ODAD2: variants seen among roughly 807,000 people sequenced by gnomAD.
ODAD2 encodes the protein outer dynein arm docking complex subunit 2.
A neutral mutation model predicts 106.8 loss-of-function variants in ODAD2; 89 were observed. The observed-to-expected ratio is 0.83, with a 90% CI of 0.70 to 0.99. The LOEUF (loss-of-function observed/expected upper bound fraction) is 0.99, where lower values mean the gene tolerates loss of function less well. Ranked by LOEUF, ODAD2 falls within the 50% of genes least tolerant of loss-of-function variation. The pLI is 0.00. For synonymous variants in ODAD2, 404 were observed against 436.2 expected, an observed-to-expected ratio of 0.93 and a Z score of 0.92; for missense variants, 1,168 against 1,238.5, an observed-to-expected ratio of 0.94 and a Z score of 0.85.
intron 19 of ODAD2, among the ~76,000 whole-genome samples, chr10:27,821,551 G>A (rs569539379): frequency 2.6e-5 from 4 of 152,234 alleles, no homozygotes; most frequent in African/African-American, 4.8e-5. Flanking sequence ...GCAAATACTC[G>A]CACAACAGAA....
intron 19 of ODAD2, among the ~76,000 whole-genome samples, chr10:27,858,171 T>C (rs1316509495): frequency 6.6e-6 from 1 of 152,144 alleles, no homozygotes; most frequent in Non-Finnish European, 1.5e-5. Flanking sequence ...CAAGCAAATA[T>C]CAAATTATGA....
intron 19 of ODAD2, among the ~76,000 whole-genome samples, chr10:27,846,700 G>C (rs1838788489): frequency 6.7e-6 from 1 of 148,194 alleles, no homozygotes; most frequent in Non-Finnish European, 1.5e-5. Context: ...GAAGAAAAGA[G>C]AGAAGAATCA....
intron 17 of ODAD2, among the ~76,000 whole-genome samples, chr10:27,864,894 T>C (rs1194510445): frequency 1.3e-5 from 2 of 152,092 alleles, no homozygotes; most frequent in African/African-American, 4.8e-5. Flanking sequence ...TCATGCAAAA[T>C]GGGTATTATT....
chr10:27,879,160 A>T (rs937770931), intron 17 of ODAD2, among the ~76,000 whole-genome samples: 2 of 152,134 alleles, frequency 1.3e-5, no homozygotes, highest in African/African-American at 4.8e-5. Flanking sequence ...TATCACAGAT[A>T]AGTGTGATTT....
At chr10:27,871,482 G>A (rs976095770) in intron 17 of ODAD2, among the ~76,000 whole-genome samples, 3 of 152,130 alleles carry the variant, frequency 2.0e-5, no homozygotes, top group Admixed American at 2.0e-4. Context: ...GGCTTGTATG[G>A]TTTTAGGTCT....
At chr10:27,870,590 T>C (rs969126556) in intron 17 of ODAD2, among the ~76,000 whole-genome samples, 1 of 151,214 alleles carries the variant, frequency 6.6e-6, no homozygotes, top group Non-Finnish European at 1.5e-5. Flanking sequence ...CACCTATGAG[T>C]GAGAATATGC....
At chr10:27,940,150 G>A (rs1846289654) in intron 13 of ODAD2, 143 bp from the exon 14 acceptor site, 1 of 584,318 alleles carries the variant, frequency 1.7e-6, no homozygotes, top group Admixed American at 3.5e-5. Context: ...ATCAATAAGA[G>A]AATCAACTGA....
intron 16 of ODAD2, among the ~76,000 whole-genome samples, chr10:27,930,141 T>A (rs966595223): frequency 2.0e-5 from 3 of 152,150 alleles, no homozygotes; most frequent in Non-Finnish European, 2.9e-5. Flanking sequence ...TATATTTCTT[T>A]TACTCCTATC....
intron 17 of ODAD2, among the ~76,000 whole-genome samples, chr10:27,890,346 T>A (rs74840990): frequency 0.027 from 4,177 of 152,212 alleles, 67 homozygotes; most frequent in Non-Finnish European, 0.043. Context: ...TTGGCTGAGG[T>A]GAATATAATG....
At chr10:27,889,153 G>C (rs1213398481) in intron 17 of ODAD2, among the ~76,000 whole-genome samples, 2 of 152,188 alleles carry the variant, frequency 1.3e-5, no homozygotes. Context: ...AAAGGAGATA[G>C]AAAAACATTA....
intron 2 of ODAD2, among the ~76,000 whole-genome samples, chr10:27,989,777 G>A (rs1262415300): frequency 1.3e-5 from 2 of 152,172 alleles, no homozygotes; most frequent in Non-Finnish European, 2.9e-5. Context: ...GAGCCCGGGA[G>A]GCGGGAGGAT....
chr10:27,963,622 G>A, intron 9 of ODAD2, among the ~76,000 whole-genome samples: 1 of 146,896 alleles, frequency 6.8e-6, no homozygotes, highest in East Asian at 2.0e-4. Flanking sequence ...TTGTTGCTAA[G>A]GCCTTATATG....
chr10:27,999,464 G>A (rs1043743204), upstream of ODAD2, among the ~76,000 whole-genome samples: 2 of 152,128 alleles, frequency 1.3e-5, no homozygotes, highest in Admixed American at 1.3e-4. Context: ...AACAAATATG[G>A]TAGAATACTC....
chr10:27,957,439 T>C (rs972265479), intron 10 of ODAD2: 1 of 152,178 alleles, frequency 6.6e-6, no homozygotes, highest in African/African-American at 2.4e-5. Flanking sequence ...AAATTTAATG[T>C]GGTCTCTCTA....
intron 2 of ODAD2, among the ~76,000 whole-genome samples, chr10:27,991,840 T>C (rs1564584704): frequency 2.0e-5 from 3 of 152,180 alleles, no homozygotes; most frequent in Admixed American, 6.5e-5. Flanking sequence ...GAGTCCTGTC[T>C]GGAAGGAAAG....
At chr10:27,932,399 T>C (rs1364062838) in intron 16 of ODAD2, among the ~76,000 whole-genome samples, 1 of 152,208 alleles carries the variant, frequency 6.6e-6, no homozygotes, top group Non-Finnish European at 1.5e-5. Context: ...CCATCAAATA[T>C]TAAAAATTTC....
chr10:27,852,598 T>C (rs923868298), intron 19 of ODAD2, among the ~76,000 whole-genome samples: 4 of 151,544 alleles, frequency 2.6e-5, no homozygotes, highest in Non-Finnish European at 5.9e-5. Flanking sequence ...CAAGAGGAGA[T>C]AGAAAAAGAT....
chr10:27,977,430 G>A lies in ODAD2; in HGVS notation c.936+4036C>T, dbSNP rs112397106. On this transcript the variant is annotated intron_variant, in intron 7 of 19. Transcript: ENST00000305242. ...AAAAAAAAAAAAATTAGCCAGGCGC[G>A]GTGGCGGGCGCCTGTAGTCCCAGCT... is the stretch of plus-strand genomic sequence containing the variant. Among the ~76,000 whole-genome samples, 874 of 151,452 alleles carry A rather than the reference G, an allele frequency of 5.8e-3. 12 individuals carry two copies. The highest frequency in any genetic ancestry group is 0.02 in the African/African-American group (810 of 41,314).
At chr10:27,943,577 A>C (rs886603389) in intron 12 of ODAD2, among the ~76,000 whole-genome samples, 5 of 152,026 alleles carry the variant, frequency 3.3e-5, no homozygotes, top group African/African-American at 9.7e-5. Flanking sequence ...ACCTGAGCTC[A>C]GGAGTTCAAG....
Sources: gnomAD v4.1 joint callset for allele counts (sites outside exome capture counted in the v4.1 genomes callset) on GRCh38, gnomAD v4.1.1 for gene constraint, MANE v1.5 for transcripts, NCBI Gene and HGNC (gene_info 2026-07-23, HGNC 2026-07-21) for gene names.